UBN2: variants seen among roughly 807,000 people sequenced by gnomAD.
UBN2 encodes ubinuclein 2.
In UBN2, 35 loss-of-function variants were observed where a neutral mutation model predicts 120.2. The ratio of observed to expected loss-of-function variants is 0.29; its 90% CI spans 0.22 to 0.39. The LOEUF (loss-of-function observed/expected upper bound fraction) is 0.39. UBN2 is among the 10% of genes least tolerant of loss of function. UBN2 has a pLI of 1.00. For synonymous variants in UBN2, 661 were observed against 648.7 expected (o/e 1.02, Z -0.29); for missense variants, 1,693 against 1,663.2 (o/e 1.02, Z -0.31).
intron 14 of UBN2, 96 bp downstream of exon 14, chr7:139,282,151 T>G (rs994106442): frequency 1.0e-6 from 1 of 1,003,988 alleles, no homozygotes; most frequent in Non-Finnish European, 1.5e-6. Context: ...TTGATACGAC[T>G]TTTATGTAAT....
Position 139,284,136 on chromosome 7 carries a change from TAA to T in UBN2, c.3233_3234del (p.Lys1078IlefsTer13). ...CTTCAGTATCAACTAAACTTATTTCTAAATCCAACCCAACTCCCAAGCCTACT... is the reference window on the plus strand; with the variant it reads ...CTTCAGTATCAACTAAACTTATTTCTATCCAACCCAACTCCCAAGCCTACT... The part of the protein sequence containing the change: ...KPSVSTKLIS[K>X]SNPTPKPTVS... On this transcript the variant is annotated frameshift_variant, in exon 15 of 18. Transcript: ENST00000473989. LOFTEE classifies it high-confidence loss of function. The T allele has an allele frequency of 6.2e-7, 1 of 1,614,106 alleles. No individual in the cohort carries two copies. Among genetic ancestry groups the T allele is most frequent in the Non-Finnish European group, 8.5e-7 (1 of 1,180,006 alleles).
chr7:139,250,408 T>G (rs371165787), intron 2 of UBN2, among the ~76,000 whole-genome samples: 2 of 152,050 alleles, frequency 1.3e-5, no homozygotes, highest in African/African-American at 2.4e-5. Context: ...AATTTTTGTA[T>G]TTTTAGTATA....
At chr7:139,316,495 C>T in the UBN2 span, among the ~76,000 whole-genome samples, 13 of 152,198 alleles carry the variant, frequency 8.5e-5, no homozygotes, top group Admixed American at 2.0e-4. Flanking sequence ...TGGCCGTGCA[C>T]GGTGGCTCAC....
chr7:139,305,704 T>C lies in UBN2; in HGVS notation c.*7868T>C, dbSNP rs1448825413. On this transcript the variant is annotated 3_prime_UTR_variant, in exon 18 of 18. Coordinates refer to ENST00000473989, the MANE Select transcript of UBN2 (RefSeq NM_173569.4). ...CAGTAGTATTATTAGGGTCTCTGTG[T>C]CTAGGACTTACAGTCATCAGTGGTC... is the stretch of plus-strand genomic sequence containing the variant. The C allele has an allele frequency of 6.6e-6, 1 of 152,196 alleles. No individual in the cohort carries two copies. The highest frequency in any genetic ancestry group is 2.4e-5 in the African/African-American group (1 of 41,460). 9.4% of individuals were successfully genotyped at this position (152,196 alleles called of 1,614,324 possible).
chr7:139,324,998 A>G, the UBN2 span, among the ~76,000 whole-genome samples: 2 of 152,112 alleles, frequency 1.3e-5, no homozygotes, highest in African/African-American at 4.8e-5. Flanking sequence ...TTTCAGAACA[A>G]CGAAACATAC....
downstream of UBN2, among the ~76,000 whole-genome samples, chr7:139,310,765 G>A (rs544605206): frequency 4.6e-5 from 7 of 152,184 alleles, no homozygotes; most frequent in South Asian, 1.2e-3. Context: ...AGAGTGAGAC[G>A]CCGTCTCAAA....
rs973251832 is a variant in UBN2, at chr7:139,306,552, A to C, written c.*8716A>C. ...ATATACCTTCTGAGACCTTCAGATAATCAATGGGCCTTTCCCCATTAGAGG... is the reference window on the plus strand; with the variant it reads ...ATATACCTTCTGAGACCTTCAGATACTCAATGGGCCTTTCCCCATTAGAGG... On this transcript the variant is annotated 3_prime_UTR_variant, in exon 18 of 18. Transcript: ENST00000473989. 3 of 152,216 alleles carry C rather than the reference A, an allele frequency of 2.0e-5. No individual in the cohort carries two copies. The highest frequency in any genetic ancestry group is 4.4e-5 in the Non-Finnish European group (3 of 68,030). The allele number at this position is 152,216 out of a possible 1,614,324, so 9.4% of individuals were successfully genotyped here. A position where few individuals can be genotyped will look rare whatever the true frequency, so the allele number is the denominator to read the frequency against.
intron 2 of UBN2, among the ~76,000 whole-genome samples, chr7:139,249,952 TG>T (rs1257948667): frequency 6.6e-6 from 1 of 152,076 alleles, no homozygotes; most frequent in East Asian, 1.9e-4. Flanking sequence ...CCTCCTGCCT[TG>T]GCCTCCCAAA....
intron 3 of UBN2, among the ~76,000 whole-genome samples, chr7:139,257,086 A>G (rs1411056173): frequency 6.6e-6 from 1 of 152,330 alleles, no homozygotes; most frequent in African/African-American, 2.4e-5. Flanking sequence ...TAGAGATCCC[A>G]GGTAACAGAT....
chr7:139,278,608 T>G (rs1367404970), intron 12 of UBN2, among the ~76,000 whole-genome samples: 1 of 151,752 alleles, frequency 6.6e-6, no homozygotes, highest in East Asian at 1.9e-4. Flanking sequence ...TTTCCCTAAA[T>G]GGCCTTCATA....
At chr7:139,319,020 A>T in the UBN2 span, among the ~76,000 whole-genome samples, 3 of 151,874 alleles carry the variant, frequency 2.0e-5, no homozygotes, top group East Asian at 5.8e-4. Context: ...ATTCTCAGCA[A>T]TTCCCTGTCT....
At position 139,305,482 on chromosome 7, in the gene UBN2, T is replaced by C. The variant is rs1207089751; in HGVS notation, c.*7646T>C. On this transcript the variant is annotated 3_prime_UTR_variant, in exon 18 of 18. Coordinates refer to ENST00000473989, the MANE Select transcript of UBN2 (RefSeq NM_173569.4). ...CAGACTGCCTTTGAATAATGTGATA[T>C]TAAATTTTATTTTTCTCATAGACTC... is the stretch of plus-strand genomic sequence containing the variant. 6.6e-6 allele frequency: 1 copy of C among 152,226 alleles called. No homozygotes were observed. Among genetic ancestry groups the C allele is most frequent in the African/African-American group, 2.4e-5 (1 of 41,450 alleles). The allele number at this position is 152,226 out of a possible 1,614,324, so 9.4% of individuals were successfully genotyped here.
At position 139,297,821 on chromosome 7, in the gene UBN2, A is replaced by T. The variant is rs1798153220; in HGVS notation, c.4029A>T (p.Pro1343=). ...GGQSKGDTKL[P]RKSQ ...AAAGTAAAGGGGACACTAAATTACCACGGAAATCTCAGTGACTGCCCAGCA... is the reference window on the plus strand; with the variant it reads ...AAAGTAAAGGGGACACTAAATTACCTCGGAAATCTCAGTGACTGCCCAGCA... The change falls in exon 18 of 18, where the codon CCA becomes CCT. Residue 1343 remains proline (P), a synonymous_variant. Transcript: ENST00000473989. The T allele has an allele frequency of 6.2e-7, 1 of 1,614,014 alleles. No homozygotes were observed. The highest frequency in any genetic ancestry group is 8.5e-7 in the Non-Finnish European group (1 of 1,180,024).
At chr7:139,278,874 C>G (rs532256626) in intron 12 of UBN2, among the ~76,000 whole-genome samples, 27 of 151,776 alleles carry the variant, frequency 1.8e-4, no homozygotes, top group Non-Finnish European at 3.5e-4. Flanking sequence ...AGTAATTTTT[C>G]TTGCCCTTTT....
intron 16 of UBN2, 108 bp downstream of exon 16, chr7:139,293,571 A>AT: frequency 8.3e-5 from 66 of 798,646 alleles, no homozygotes; most frequent in Non-Finnish European, 1.0e-4. Context: ...TGAAGATTAT[A>AT]GTTTTTTTTT....
At chr7:139,294,174 T>C (rs998875543) in intron 17 of UBN2, among the ~76,000 whole-genome samples, 193 bp downstream of exon 17, 7 of 152,334 alleles carry the variant, frequency 4.6e-5, no homozygotes, top group Non-Finnish European at 8.8e-5. Context: ...ATCTGTAACA[T>C]ATAAAAAGAG....
Position 139,282,052 on chromosome 7 carries a change from T to C in UBN2, c.2115T>C (p.Leu705=). The C allele has an allele frequency of 6.2e-7, 1 of 1,613,402 alleles. No homozygotes were observed. The highest frequency in any genetic ancestry group is 1.3e-5 in the African/African-American group (1 of 75,032). Reference sequence around the variant, plus strand: ...CTCTCCATTCTTTCCCCACTATGCTTAAGGTAAGTGCTATGGTTGTATCAA... The same window carrying C: ...CTCTCCATTCTTTCCCCACTATGCTCAAGGTAAGTGCTATGGTTGTATCAA... ...TLPLHSFPTM[L]KECSPKKDQK... Residue 705 remains leucine (L), a synonymous_variant, in exon 14 of 18, where the codon CTT becomes CTC. Coordinates refer to ENST00000473989, the MANE Select transcript of UBN2 (RefSeq NM_173569.4).
chr7:139,326,499 A>G, the UBN2 span, among the ~76,000 whole-genome samples: 1 of 152,124 alleles, frequency 6.6e-6, no homozygotes, highest in Non-Finnish European at 1.5e-5. Flanking sequence ...TTTGCTTGTT[A>G]TTTATCATTA....
the UBN2 span, among the ~76,000 whole-genome samples, chr7:139,316,490 G>A: frequency 1.3e-5 from 2 of 152,084 alleles, no homozygotes; most frequent in Non-Finnish European, 1.5e-5. Flanking sequence ...TTTCATGGCC[G>A]TGCACGGTGG....
Sources: allele counts gnomAD v4.1 joint callset (sites outside exome capture counted in the v4.1 genomes callset), GRCh38; gene constraint gnomAD v4.1.1; transcripts MANE v1.5; gene names NCBI Gene and HGNC (gene_info 2026-07-23, HGNC 2026-07-21).